The following CAMK1D variants were observed in gnomAD, a reference collection of about 807,000 sequenced individuals.
The protein encoded by CAMK1D is calcium/calmodulin dependent protein kinase ID, also known as calcium/calmodulin-dependent protein kinase type 1D.
Under a neutral mutation model 47.7 loss-of-function variants are expected in CAMK1D, and 9 were observed. The ratio of observed to expected loss-of-function variants is 0.19; its 90% CI spans 0.11 to 0.33. The LOEUF (loss-of-function observed/expected upper bound fraction) is 0.33. Among genes scored for constraint, CAMK1D ranks in the 10% least tolerant of loss-of-function variants. The pLI is 1.00. For synonymous variants in CAMK1D, 184 were observed against 184.9 expected (o/e 0.99, Z 0.04); for missense variants, 291 against 488.7 (o/e 0.60, Z 3.81).
intron 1 of CAMK1D, among the ~76,000 whole-genome samples, chr10:12,409,577 C>A (rs1164226170): frequency 1.3e-5 from 2 of 152,224 alleles, no homozygotes; most frequent in Non-Finnish European, 2.9e-5. Flanking sequence ...CACCATCACA[C>A]CTGGCTGAAA....
chr10:12,376,482 A>G (rs1162759122), intron 1 of CAMK1D, among the ~76,000 whole-genome samples: 1 of 152,076 alleles, frequency 6.6e-6, no homozygotes, highest in Non-Finnish European at 1.5e-5. Context: ...GGGAAACTCC[A>G]CCACCGGCCA....
chr10:12,601,701 A>G (rs1177397932), intron 2 of CAMK1D, among the ~76,000 whole-genome samples: 1 of 152,110 alleles, frequency 6.6e-6, no homozygotes, highest in African/African-American at 2.4e-5. Flanking sequence ...TGACTTCGTG[A>G]TCCGCCCGCC....
intron 1 of CAMK1D, among the ~76,000 whole-genome samples, chr10:12,398,793 CT>C (rs138561387): frequency 0.16 from 24,483 of 148,816 alleles, 2,101 homozygotes; most frequent in Middle Eastern, 0.25. Context: ...TTTTTGGGGT[CT>C]TTTTTTTTTC....
chr10:12,595,256 C>T (rs181174060), intron 2 of CAMK1D, among the ~76,000 whole-genome samples: 134 of 144,514 alleles, frequency 9.3e-4, no homozygotes, highest in African/African-American at 3.0e-3. Context: ...GCAGGAGAAT[C>T]GCTTGCACCT....
At chr10:12,460,554 T>C (rs1205320909) in intron 1 of CAMK1D, among the ~76,000 whole-genome samples, 1 of 152,154 alleles carries the variant, frequency 6.6e-6, no homozygotes, top group Admixed American at 6.6e-5. Flanking sequence ...TGCCTCAGCC[T>C]CCTGAGTAGC....
chr10:12,628,952 C>T (rs554485504), intron 2 of CAMK1D, among the ~76,000 whole-genome samples: 1 of 152,280 alleles, frequency 6.6e-6, no homozygotes, highest in East Asian at 1.9e-4. Context: ...TAGCTTATTT[C>T]TTTTTAGCAC....
rs140105698 is a variant in CAMK1D, at chr10:12,514,819, C to T, written c.93-38406C>T. On this transcript the variant is annotated intron_variant, in intron 1 of 10. Transcript: ENST00000619168. Reference sequence around the variant, plus strand: ...CTAGTGCCGTGTATTTACTGGTATACGTTTATAGCCTTTATTTTATTTTAT... The same window carrying T: ...CTAGTGCCGTGTATTTACTGGTATATGTTTATAGCCTTTATTTTATTTTAT... Among the ~76,000 whole-genome samples, 16 of 152,230 alleles carry T rather than the reference C, an allele frequency of 1.1e-4. 1 individual carries two copies. Among genetic ancestry groups the T allele is most frequent in the Admixed American group, 2.6e-4 (4 of 15,296 alleles).
At chr10:12,409,188 T>C (rs1375772834) in intron 1 of CAMK1D, among the ~76,000 whole-genome samples, 1 of 152,120 alleles carries the variant, frequency 6.6e-6, no homozygotes, top group Non-Finnish European at 1.5e-5. Flanking sequence ...CCATTCCTTA[T>C]TTACCTACTT....
At chr10:12,372,806 T>C (rs1421513808) in intron 1 of CAMK1D, among the ~76,000 whole-genome samples, 1 of 152,160 alleles carries the variant, frequency 6.6e-6, no homozygotes, top group African/African-American at 2.4e-5. Context: ...TTTTTTTGCA[T>C]TTTTAATAGA....
chr10:12,793,086 A>C (rs2482038), intron 6 of CAMK1D, among the ~76,000 whole-genome samples: 71,879 of 151,522 alleles, frequency 0.47, 17,262 homozygotes, highest in East Asian at 0.62. Flanking sequence ...CTGGCTCTCT[A>C]AGTCCTCAAT....
intron 1 of CAMK1D, among the ~76,000 whole-genome samples, chr10:12,465,774 A>T (rs1353297810): frequency 1.3e-5 from 2 of 152,218 alleles, no homozygotes; most frequent in African/African-American, 4.8e-5. Flanking sequence ...ATTACTCCAC[A>T]TTACAGATGA....
At chr10:12,535,283 T>A (rs903747749) in intron 1 of CAMK1D, among the ~76,000 whole-genome samples, 12 of 152,174 alleles carry the variant, frequency 7.9e-5, no homozygotes, top group African/African-American at 2.9e-4. Flanking sequence ...GGCTCCAACT[T>A]CTTAGGATAC....
At position 12,430,251 on chromosome 10, in the gene CAMK1D, G is replaced by A. The variant is rs112938624; in HGVS notation, c.92+80341G>A. Among the ~76,000 whole-genome samples the A allele has an allele frequency of 2.2e-3, 336 of 152,232 alleles. 1 individual carries two copies. Among genetic ancestry groups the A allele is most frequent in the African/African-American group, 7.5e-3 (313 of 41,538 alleles). On this transcript the variant is annotated intron_variant, in intron 1 of 10. Coordinates refer to ENST00000619168, the MANE Select transcript of CAMK1D (RefSeq NM_153498.4). ...ACCTTTGCATGCTCCGTGAAAAGAC[G>A]GATTGCTCAGCAAAGCGCTGTGGTC... is the stretch of plus-strand genomic sequence containing the variant.
intron 1 of CAMK1D, among the ~76,000 whole-genome samples, chr10:12,427,498 G>A (rs1392627967): frequency 1.3e-5 from 2 of 152,046 alleles, no homozygotes; most frequent in Admixed American, 6.6e-5. Flanking sequence ...GGGTGACACC[G>A]TCTGCCAGTC....
intron 2 of CAMK1D, among the ~76,000 whole-genome samples, chr10:12,559,473 C>A (rs116374367): frequency 1.3e-5 from 2 of 152,080 alleles, no homozygotes; most frequent in African/African-American, 4.8e-5. Flanking sequence ...AGCCCTTGTC[C>A]GCTGATTTCA....
At chr10:12,452,716 G>T (rs1372436336) in intron 1 of CAMK1D, among the ~76,000 whole-genome samples, 3 of 151,958 alleles carry the variant, frequency 2.0e-5, no homozygotes, top group African/African-American at 7.3e-5. Context: ...CTCCCGAGTA[G>T]TTGGGATTAC....
chr10:12,684,433 C>A lies in CAMK1D; in HGVS notation c.299+17623C>A, dbSNP rs537611478. 1.2e-4 allele frequency among the ~76,000 whole-genome samples: 19 copies of A among 152,218 alleles called. No homozygotes were observed. In the South Asian group the frequency reaches 3.7e-3, roughly 30 times the overall value. On this transcript the variant is annotated intron_variant, in intron 3 of 10. Coordinates refer to ENST00000619168, the MANE Select transcript of CAMK1D (RefSeq NM_153498.4). ...AATTATGCCAAGTCGTTTGGAAGAA[C>A]AGGCTCCAGGTATTTTAGGTTATAA...
chr10:12,364,549 C>T (rs1837778726), intron 1 of CAMK1D, among the ~76,000 whole-genome samples: 1 of 151,828 alleles, frequency 6.6e-6, no homozygotes, highest in South Asian at 2.1e-4. Context: ...GGCCATCATT[C>T]TCATTTGATC....
chr10:12,692,726 A>C (rs1217256031), intron 3 of CAMK1D, among the ~76,000 whole-genome samples: 1 of 152,206 alleles, frequency 6.6e-6, no homozygotes, highest in Non-Finnish European at 1.5e-5. Context: ...GTTCTTTACA[A>C]ATCAGTAAGG....
Sources: gnomAD v4.1 joint callset for allele counts (sites outside exome capture counted in the v4.1 genomes callset) on GRCh38, gnomAD v4.1.1 for gene constraint, MANE v1.5 for transcripts, NCBI Gene and HGNC (gene_info 2026-07-23, HGNC 2026-07-21) for gene names.